HPSE2: variants seen among roughly 807,000 people sequenced by gnomAD.
HPSE2 encodes heparanase 2 (inactive), also known as inactive heparanase-2.
In HPSE2, 38 loss-of-function variants were observed where a neutral mutation model predicts 60.5. The observed-to-expected ratio is 0.63, with a 90% CI of 0.48 to 0.82. The LOEUF (loss-of-function observed/expected upper bound fraction) is 0.82. HPSE2 is among the 40% of genes least tolerant of loss of function. The pLI, the probability that HPSE2 is intolerant of heterozygous loss-of-function variation, is 0.00. For synonymous variants in HPSE2, 295 were observed against 293.2 expected, an observed-to-expected ratio of 1.01 and a Z score of -0.06; for missense variants, 713 against 740.4, an observed-to-expected ratio of 0.96 and a Z score of 0.43.
chr10:99,080,098 G>A (rs994305203), intron 3 of HPSE2, among the ~76,000 whole-genome samples: 2 of 152,088 alleles, frequency 1.3e-5, no homozygotes, highest in African/African-American at 4.8e-5. Context: ...TTAGTTTTTG[G>A]ATGTCTCAAA....
At position 98,954,506 on chromosome 10, in the gene HPSE2, G is replaced by T. The variant is rs1287818286; in HGVS notation, c.610+189732C>A. ...ACACATTAAGAATATTTAAGTTAAT[G>T]AATGTTCCTTAGTTTTCCATTACTT... On this transcript the variant is annotated intron_variant, in intron 3 of 11. Transcript: ENST00000370552. Among the ~76,000 whole-genome samples the T allele has an allele frequency of 3.9e-5, 6 of 152,168 alleles. No individual in the cohort carries two copies. The South Asian group carries it at 1.2e-3, about 32-fold the overall frequency.
chr10:99,077,602 G>A (rs1308917360), intron 3 of HPSE2, among the ~76,000 whole-genome samples: 1 of 151,614 alleles, frequency 6.6e-6, no homozygotes, highest in Non-Finnish European at 1.5e-5. Context: ...GTATATGTGT[G>A]TGTATCGACT....
chr10:98,590,656 C>A (rs1945065087), intron 9 of HPSE2, among the ~76,000 whole-genome samples: 1 of 152,108 alleles, frequency 6.6e-6, no homozygotes, highest in South Asian at 2.1e-4. Flanking sequence ...AATCTGTACA[C>A]CAGGATTAGA....
rs778180584 is a variant in HPSE2 at position 99,177,419 on chromosome 10, G to C, written c.449-33020C>G. 5.5e-4 allele frequency among the ~76,000 whole-genome samples: 83 copies of C among 151,982 alleles called. 1 individual carries two copies. The highest frequency in any genetic ancestry group is 1.7e-3 in the African/African-American group (69 of 41,380). ...CACACAGACTCAAAATAAATGGATG[G>C]AGAAATATTTACCAAGCAAATGGAA... is the stretch of plus-strand genomic sequence containing the variant. On this transcript the variant is annotated intron_variant, in intron 2 of 11. Transcript: ENST00000370552.
intron 3 of HPSE2, among the ~76,000 whole-genome samples, chr10:99,139,202 T>C (rs1280189483): frequency 6.6e-6 from 1 of 152,128 alleles, no homozygotes. Context: ...CCAAATAATG[T>C]ATATTCTCAC....
At chr10:99,034,376 C>T (rs938717556) in intron 3 of HPSE2, among the ~76,000 whole-genome samples, 3 of 151,944 alleles carry the variant, frequency 2.0e-5, no homozygotes, top group Non-Finnish European at 4.4e-5. Flanking sequence ...TCAACAGGTA[C>T]CATGAGGAAA....
chr10:99,133,904 G>A (rs1845543963), intron 3 of HPSE2, among the ~76,000 whole-genome samples: 1 of 152,054 alleles, frequency 6.6e-6, no homozygotes, highest in Non-Finnish European at 1.5e-5. Flanking sequence ...GCTTCAGAAG[G>A]TGGGTAACAG....
At chr10:98,583,426 T>C (rs867142592) in intron 9 of HPSE2, among the ~76,000 whole-genome samples, 1 of 152,246 alleles carries the variant, frequency 6.6e-6, no homozygotes, top group Admixed American at 6.5e-5. Context: ...TCCAATTCTT[T>C]GTTCAAAATG....
At chr10:98,795,022 AGG>A (rs1950745745) in intron 3 of HPSE2, among the ~76,000 whole-genome samples, 1 of 89,664 alleles carries the variant, frequency 1.1e-5, no homozygotes, top group South Asian at 4.9e-4. Flanking sequence ...GAGAGAGAGA[AGG>A]AAGGAAGGAA....
At chr10:98,485,340 A>G (rs1289703450) in intron 10 of HPSE2, among the ~76,000 whole-genome samples, 3 of 152,174 alleles carry the variant, frequency 2.0e-5, no homozygotes. Context: ...TGTGCGTCAG[A>G]AGATTTTTTT....
Position 98,565,599 on chromosome 10 carries a change from C to T in HPSE2, c.1320+49305G>A, listed in dbSNP as rs369178033. 3.9e-5 allele frequency among the ~76,000 whole-genome samples: 6 copies of T among 152,046 alleles called. No individual in the cohort carries two copies. The East Asian group carries it at 7.7e-4, about 20-fold the overall frequency. ...CTTTGGTGGGCATTTGGGTTGATGC[C>T]ATGTCTTTGTTATTGTAACTAACGC... On this transcript the variant is annotated intron_variant, in intron 9 of 11. Transcript: ENST00000370552.
At chr10:99,250,435 A>C in the HPSE2 span, among the ~76,000 whole-genome samples, 1 of 152,220 alleles carries the variant, frequency 6.6e-6, no homozygotes, top group Non-Finnish European at 1.5e-5. Context: ...CCACCCTGTC[A>C]CTATTAGATC....
intron 3 of HPSE2, among the ~76,000 whole-genome samples, chr10:98,851,936 G>T (rs1952182552): frequency 6.6e-6 from 1 of 152,050 alleles, no homozygotes; most frequent in Non-Finnish European, 1.5e-5. Flanking sequence ...CTGTAATTAG[G>T]AGGAAAACCA....
intron 9 of HPSE2, among the ~76,000 whole-genome samples, chr10:98,493,136 A>G (rs921513260): frequency 6.6e-6 from 1 of 152,178 alleles, no homozygotes; most frequent in Non-Finnish European, 1.5e-5. Context: ...ATGTTGTAGC[A>G]TATGTCAGAA....
chr10:98,948,699 T>C (rs1955261625), intron 3 of HPSE2, among the ~76,000 whole-genome samples: 3 of 152,148 alleles, frequency 2.0e-5, no homozygotes. Flanking sequence ...CTGCCTTTCC[T>C]GCCACACCTT....
At chr10:98,893,901 C>G (rs1291005777) in intron 3 of HPSE2, among the ~76,000 whole-genome samples, 1 of 49,864 alleles carries the variant, frequency 2.0e-5, no homozygotes, top group African/African-American at 8.2e-5. Context: ...AAGTGGTAAA[C>G]TAGAAAAAAA....
At chr10:98,688,083 C>T (rs509302) in intron 6 of HPSE2, among the ~76,000 whole-genome samples, 53,642 of 151,442 alleles carry the variant, frequency 0.35, 9,712 homozygotes, top group Admixed American at 0.41. Context: ...TATGGCTTTT[C>T]GGCTATACTT....
chr10:98,529,237 T>A (rs181405088), intron 9 of HPSE2, among the ~76,000 whole-genome samples: 211 of 152,364 alleles, frequency 1.4e-3, no homozygotes, highest in Non-Finnish European at 2.5e-3. Context: ...AATTCTATTA[T>A]CCAGTTAATG....
intron 3 of HPSE2, among the ~76,000 whole-genome samples, chr10:98,913,669 A>C (rs1387272452): frequency 6.6e-6 from 1 of 152,214 alleles, no homozygotes. Flanking sequence ...CCCAAATGCC[A>C]CTGAAAATCC....
Sources: allele counts gnomAD v4.1 joint callset (sites outside exome capture counted in the v4.1 genomes callset), GRCh38; gene constraint gnomAD v4.1.1; transcripts MANE v1.5; gene names NCBI Gene and HGNC (gene_info 2026-07-23, HGNC 2026-07-21).